The following POLR2B variants were observed in gnomAD, a reference collection of about 807,000 sequenced individuals.
POLR2B encodes the protein DNA-directed RNA polymerase II subunit RPB2.
Under a neutral mutation model 144.6 loss-of-function variants are expected in POLR2B, and 57 were observed. The ratio of observed to expected loss-of-function variants is 0.39; its 90% CI spans 0.32 to 0.49. POLR2B has a LOEUF of 0.49. POLR2B is among the 20% of genes least tolerant of loss of function. POLR2B has a pLI of 0.83. For missense variants in POLR2B, 595 were observed against 1,467.4 expected, an observed-to-expected ratio of 0.41 and a Z score of 9.71; for synonymous variants, 442 against 469.8, an observed-to-expected ratio of 0.94 and a Z score of 0.77.
chr4:56,987,001 T>G (rs1466598590), intron 2 of POLR2B, among the ~76,000 whole-genome samples: 1 of 152,166 alleles, frequency 6.6e-6, no homozygotes, highest in Non-Finnish European at 1.5e-5. Flanking sequence ...TTGTTTCCTT[T>G]AATCTGGAAC....
At chr4:57,020,328 G>A (rs1400663277) in intron 16 of POLR2B, among the ~76,000 whole-genome samples, 2 of 152,194 alleles carry the variant, frequency 1.3e-5, no homozygotes, top group East Asian at 1.9e-4. Flanking sequence ...CACCATGCCC[G>A]ACCTAAATAT....
At chr4:57,025,961 G>T (rs1257784043) in intron 23 of POLR2B, among the ~76,000 whole-genome samples, 1 of 151,948 alleles carries the variant, frequency 6.6e-6, no homozygotes, top group Non-Finnish European at 1.5e-5. Context: ...TAGAGGCTAG[G>T]CGCAATGGCT....
chr4:56,996,579 C>T (rs1021019062), intron 6 of POLR2B, among the ~76,000 whole-genome samples: 2 of 151,682 alleles, frequency 1.3e-5, no homozygotes, highest in Non-Finnish European at 2.9e-5. Context: ...CCACTGTGCC[C>T]GGCCTTCAAT....
At chr4:57,003,361 C>T (rs28620921) in intron 7 of POLR2B, among the ~76,000 whole-genome samples, 68,346 of 151,546 alleles carry the variant, frequency 0.45, 15,643 homozygotes, top group Non-Finnish European at 0.49. Flanking sequence ...ACCTGGGAGG[C>T]GGAGGTTGCA....
intron 23 of POLR2B, among the ~76,000 whole-genome samples, chr4:57,027,251 C>T (rs1723754451): frequency 6.6e-6 from 1 of 152,044 alleles, no homozygotes; most frequent in African/African-American, 2.4e-5. Context: ...TCAAGTGATC[C>T]GCCTGCCTTG....
intron 16 of POLR2B, among the ~76,000 whole-genome samples, chr4:57,020,612 G>A (rs1157828049): frequency 6.6e-6 from 1 of 152,070 alleles, no homozygotes; most frequent in African/African-American, 2.4e-5. Context: ...AACTTGGTTT[G>A]GGGAGGCACT....
At chr4:56,999,266 T>A (rs1232718809) in intron 6 of POLR2B, among the ~76,000 whole-genome samples, 1 of 151,766 alleles carries the variant, frequency 6.6e-6, no homozygotes, top group African/African-American at 2.4e-5. Flanking sequence ...AGGTTTAATT[T>A]TTTGGAGGGG....
intron 2 of POLR2B, among the ~76,000 whole-genome samples, 188 bp from the exon 3 acceptor site, chr4:56,990,560 C>T (rs1394055079): frequency 6.6e-6 from 1 of 152,128 alleles, no homozygotes. Flanking sequence ...ATAAGTTCTA[C>T]AAAGAAAATA....
rs781117884 is a variant in POLR2B at position 57,005,336 on chromosome 4, A to G, written c.991A>G (p.Thr331Ala). 2.5e-6 allele frequency: 4 copies of G among 1,609,486 alleles called. No homozygotes were observed. The highest frequency in any genetic ancestry group is 1.7e-5 in the Admixed American group (1 of 59,424). The part of the protein sequence containing the change: ...IGSRGAKPGV[T>A]KEKRIKYAKE... ...TTCAAGAGGAGCAAAGCCTGGTGTT[A>G]CTAAAGAGAAAAGAATTAAATATGC... Residue 331 changes from threonine (T) to alanine (A), a missense_variant, in exon 8 of 25, where the codon ACT (threonine) becomes GCT (alanine). By Grantham distance (58) the Thr-to-Ala change is moderately conservative. Transcript: ENST00000314595.
chr4:57,000,297 G>A (rs930281033), intron 7 of POLR2B, among the ~76,000 whole-genome samples: 1 of 152,168 alleles, frequency 6.6e-6, no homozygotes, highest in Non-Finnish European at 1.5e-5. Flanking sequence ...AGGCATGGTG[G>A]CATGTTCCTG....
chr4:57,030,084 T>A (rs1339902208), intron 23 of POLR2B, 120 bp from the exon 24 acceptor site: 6 of 770,696 alleles, frequency 7.8e-6, no homozygotes, highest in Non-Finnish European at 1.3e-5. Flanking sequence ...AATGCTAGGG[T>A]ATAAAAATTA....
intron 16 of POLR2B, among the ~76,000 whole-genome samples, chr4:57,020,312 G>A (rs759941109): frequency 1.3e-4 from 20 of 152,148 alleles, no homozygotes; most frequent in African/African-American, 2.4e-4. Flanking sequence ...GATTACAGGC[G>A]TGAGCCACCA....
Position 56,994,777 on chromosome 4 carries a change from T to C in POLR2B, c.487T>C (p.Leu163=). Residue 163 remains leucine (L), a synonymous_variant, in exon 5 of 25, where the codon TTG becomes CTG. Coordinates refer to ENST00000314595, the MANE Select transcript of POLR2B (RefSeq NM_000938.3). ...PIMLRSTYCL[L]NGLTDRDLCE... The stretch of plus-strand genomic sequence containing the variant: ...TATGTTGCGGTCAACTTACTGCCTT[T>C]TGAATGGCTTGACAGATCGTGATCT... The C allele has an allele frequency of 6.2e-7, 1 of 1,613,898 alleles. No homozygotes were observed. The highest frequency in any genetic ancestry group is 8.5e-7 in the Non-Finnish European group (1 of 1,179,820).
At chr4:56,996,555 A>G (rs966026326) in intron 6 of POLR2B, among the ~76,000 whole-genome samples, 2 of 151,394 alleles carry the variant, frequency 1.3e-5, no homozygotes, top group African/African-American at 4.9e-5. Context: ...AAGTGCTGGG[A>G]TTACAGGCGT....
chr4:57,019,284 T>G (rs1013783732), intron 16 of POLR2B, among the ~76,000 whole-genome samples: 3 of 152,190 alleles, frequency 2.0e-5, no homozygotes, highest in Non-Finnish European at 4.4e-5. Flanking sequence ...CAAATGTTCC[T>G]TTGGTACTGG....
chr4:57,023,904 A>G lies in POLR2B; in HGVS notation c.2857-101A>G. Reference sequence around the variant, plus strand: ...AAGTATATGAACATACCATGTTTAAACAGAATTTGGGACATACAGTAATTC... The same window carrying G: ...AAGTATATGAACATACCATGTTTAAGCAGAATTTGGGACATACAGTAATTC... On this transcript the variant is annotated intron_variant, in intron 20 of 24. Transcript: ENST00000314595. This position sits in a 1 kb window ranked among gnomAD's most constrained non-coding sequence, Gnocchi z 4.3. 2 of 805,890 alleles carry G rather than the reference A, an allele frequency of 2.5e-6. No homozygotes were observed. Among genetic ancestry groups the G allele is most frequent in the Non-Finnish European group, 4.0e-6 (2 of 496,498 alleles). 49.9% of individuals were successfully genotyped at this position (805,890 alleles called of 1,614,324 possible).
In POLR2B at chr4:57,005,603, C is replaced by CAT. The variant is rs774108121; in HGVS notation, c.1102_1103dup (p.Met368IlefsTer16). Reference sequence around the variant, plus strand: ...CTTTCTTTTTTTTTTTTTAAAGATACATGGTTCATAGGTTACTTCTGGCAG... The same window carrying CAT: ...CTTTCTTTTTTTTTTTTTAAAGATACATATGGTTCATAGGTTACTTCTGGCAG... On this transcript the variant is annotated frameshift_variant, in exon 9 of 25. Transcript: ENST00000314595. LOFTEE classifies it high-confidence loss of function. 6.5e-7 allele frequency: 1 copy of CAT among 1,546,386 alleles called. No individual in the cohort carries two copies. Among genetic ancestry groups the CAT allele is most frequent in the Non-Finnish European group, 8.7e-7 (1 of 1,145,404 alleles).
At chr4:56,995,812 A>G (rs1276890622) in intron 6 of POLR2B, among the ~76,000 whole-genome samples, 1 of 152,232 alleles carries the variant, frequency 6.6e-6, no homozygotes, top group Non-Finnish European at 1.5e-5. Flanking sequence ...GCCTCTGCGT[A>G]TAGCAGCTGA....
Position 57,023,926 on chromosome 4 carries a change from A to G in POLR2B, c.2857-79A>G. 1 of 854,508 alleles carries G rather than the reference A, an allele frequency of 1.2e-6. No individual in the cohort carries two copies. Among genetic ancestry groups the G allele is most frequent in the Non-Finnish European group, 1.9e-6 (1 of 535,970 alleles). The allele number at this position is 854,508 out of a possible 1,614,324, so 52.9% of individuals were successfully genotyped here. A position where few individuals can be genotyped will look rare whatever the true frequency, so the allele number is the denominator to read the frequency against. On this transcript the variant is annotated intron_variant, in intron 20 of 24. Transcript: ENST00000314595. This position sits in a 1 kb window ranked among gnomAD's most constrained non-coding sequence, Gnocchi z 4.3. ...TAAACAGAATTTGGGACATACAGTAATTCAGTTGGGAGAACTGAAATGTCA... is the reference window on the plus strand; with the variant it reads ...TAAACAGAATTTGGGACATACAGTAGTTCAGTTGGGAGAACTGAAATGTCA...
Sources: allele counts gnomAD v4.1 joint callset (sites outside exome capture counted in the v4.1 genomes callset), GRCh38; gene constraint gnomAD v4.1.1; non-coding constraint Gnocchi (gnomAD v3.1); transcripts MANE v1.5; gene names NCBI Gene and HGNC (gene_info 2026-07-23, HGNC 2026-07-21).